The following TPX2 variants were observed in gnomAD, a reference collection of about 807,000 sequenced individuals.
TPX2 encodes targeting protein for Xklp2.
TPX2 carries 21 observed loss-of-function variants against 93.6 expected under a neutral mutation model. That is an observed-to-expected ratio of 0.22 (90% CI 0.16 to 0.32). TPX2 has a LOEUF of 0.32. Among genes scored for constraint, TPX2 ranks in the 10% least tolerant of loss-of-function variants. TPX2 has a pLI of 1.00. For missense variants in TPX2, 776 were observed against 871.1 expected (o/e 0.89, Z 1.37); for synonymous variants, 281 against 298.3 (o/e 0.94, Z 0.60).
Position 31,748,151 on chromosome 20 carries a change from T to C in TPX2, c.-71+5504T>C, listed in dbSNP as rs547515936. 6.6e-5 allele frequency among the ~76,000 whole-genome samples: 10 copies of C among 152,316 alleles called. 1 individual carries two copies. Among genetic ancestry groups the C allele is most frequent in the African/African-American group, 2.4e-4 (10 of 41,586 alleles). On this transcript the variant is annotated intron_variant, in intron 2 of 17. Transcript: ENST00000300403. ...GAGTTGGCCATTCTAGACCAAAATA[T>C]AGCTTAAAAGAAGCTTTTTTAAAGA...
chr20:31,763,686 T>A (rs1032238766), intron 4 of TPX2, among the ~76,000 whole-genome samples: 1 of 150,578 alleles, frequency 6.6e-6, no homozygotes, highest in Non-Finnish European at 1.5e-5. Context: ...ATTGGCCACT[T>A]TAATTTAATT....
chr20:31,797,117 A>G (rs2062143479), intron 15 of TPX2, among the ~76,000 whole-genome samples: 19 of 152,118 alleles, frequency 1.2e-4, no homozygotes, highest in Admixed American at 1.2e-3. Context: ...AGAAAAATAA[A>G]TGTGAACATA....
At chr20:31,784,196 A>T (rs993454483) in intron 12 of TPX2, among the ~76,000 whole-genome samples, 3 of 152,232 alleles carry the variant, frequency 2.0e-5, no homozygotes, top group Non-Finnish European at 4.4e-5. Flanking sequence ...TTTCTTCCAG[A>T]TAGAAAGTTC....
chr20:31,781,866 C>T lies in TPX2; in HGVS notation c.1055-383C>T, dbSNP rs540661221. ...GCTGAGGTGGGAAGATCACCTGAGT[C>T]CAGGGAGGTTGGATTTGTAGTGAGC... On this transcript the variant is annotated intron_variant, in intron 10 of 17. Coordinates refer to ENST00000300403, the MANE Select transcript of TPX2 (RefSeq NM_012112.5). 1.8e-4 allele frequency among the ~76,000 whole-genome samples: 27 copies of T among 151,940 alleles called. 1 individual carries two copies. In the South Asian group the frequency reaches 5.4e-3, roughly 30 times the overall value.
At position 31,750,213 on chromosome 20, in the gene TPX2, G is replaced by A. The variant is rs374495611; in HGVS notation, c.-70-7194G>A. Among the ~76,000 whole-genome samples, 17 of 150,652 alleles carry A rather than the reference G, an allele frequency of 1.1e-4. No homozygotes were observed. The East Asian group carries it at 3.4e-3, about 30-fold the overall frequency. On this transcript the variant is annotated intron_variant, in intron 2 of 17. Coordinates refer to ENST00000300403, the MANE Select transcript of TPX2 (RefSeq NM_012112.5). ...GCTCTTGTTGCCCCGGCTGGAGTGCGATGGTGCGATCTTGGCTCACTGCAA... is the reference window on the plus strand; with the variant it reads ...GCTCTTGTTGCCCCGGCTGGAGTGCAATGGTGCGATCTTGGCTCACTGCAA...
intron 13 of TPX2, among the ~76,000 whole-genome samples, chr20:31,793,105 GA>G (rs2062113052): frequency 6.6e-6 from 1 of 152,148 alleles, no homozygotes; most frequent in Non-Finnish European, 1.5e-5. Context: ...CTGTAGCATT[GA>G]AAATCAGCTG....
At chr20:31,743,882 TG>T (rs2061767707) in intron 2 of TPX2, among the ~76,000 whole-genome samples, 1 of 149,786 alleles carries the variant, frequency 6.7e-6, no homozygotes, top group South Asian at 2.1e-4. Context: ...ATGCCACACC[TG>T]GCTAATTTTG....
At chr20:31,792,702 G>A in intron 12 of TPX2, 33 bp from the exon 13 acceptor site, 1 of 1,566,478 alleles carries the variant, frequency 6.4e-7, no homozygotes, top group Non-Finnish European at 8.8e-7. Flanking sequence ...AGATCATTTT[G>A]TGATATCTAA....
chr20:31,777,348 C>T, intron 8 of TPX2, 139 bp from the exon 9 acceptor site: 3 of 957,928 alleles, frequency 3.1e-6, no homozygotes, highest in Non-Finnish European at 4.6e-6. Flanking sequence ...AGGACTACTT[C>T]AAGTTTTGGG....
At chr20:31,766,795 CTTTTT>C (rs11299452) in intron 5 of TPX2, 113 bp downstream of exon 5, 863 of 449,472 alleles carry the variant, frequency 1.9e-3, no homozygotes, top group South Asian at 2.7e-3. Context: ...CTTTATGTTA[CTTTTT>C]TTTTTTTTTT....
chr20:31,799,143 C>T (rs939477841), intron 17 of TPX2, among the ~76,000 whole-genome samples: 1 of 152,210 alleles, frequency 6.6e-6, no homozygotes, highest in African/African-American at 2.4e-5. Context: ...TAATCCTCTA[C>T]TAACATAATT....
At position 31,783,784 on chromosome 20, in the gene TPX2, C is replaced by A. The variant is rs778912781; in HGVS notation, c.1276C>A (p.Pro426Thr). Reference sequence around the variant, plus strand: ...CTTGCCCAAGAAACCACCTGTGAAACCACCCACCGAGCCTATTGGCTTTGA... The same window carrying A: ...CTTGCCCAAGAAACCACCTGTGAAAACACCCACCGAGCCTATTGGCTTTGA... ...PILPKKPPVK[P>T]PTEPIGFDLE... The change falls in exon 12 of 18, where the codon CCA becomes ACA. Residue 426 changes from proline (P) to threonine (T), a missense_variant. This residue lies in a region of TPX2 where 461 missense variants were observed against 551.2 expected (regional missense o/e 0.84). Transcript: ENST00000300403. 1 of 1,613,388 alleles carries A rather than the reference C, an allele frequency of 6.2e-7. No homozygotes were observed. Among genetic ancestry groups the A allele is most frequent in the Non-Finnish European group, 8.5e-7 (1 of 1,179,804 alleles).
chr20:31,741,748 G>A (rs1283052258), intron 1 of TPX2, among the ~76,000 whole-genome samples: 1 of 152,130 alleles, frequency 6.6e-6, no homozygotes, highest in East Asian at 1.9e-4. Flanking sequence ...CAAAGTGCTG[G>A]GATTACAGGT....
chr20:31,792,300 A>C (rs2062107026), intron 12 of TPX2, among the ~76,000 whole-genome samples: 1 of 152,088 alleles, frequency 6.6e-6, no homozygotes, highest in South Asian at 2.1e-4. Flanking sequence ...CAGAGGTTAC[A>C]GTGAGCCGAG....
intron 11 of TPX2, among the ~76,000 whole-genome samples, chr20:31,783,095 A>G (rs1252729606): frequency 6.6e-6 from 1 of 152,066 alleles, no homozygotes; most frequent in Non-Finnish European, 1.5e-5. Flanking sequence ...GATTCGTAGC[A>G]TTGGAGTTTA....
Position 31,786,230 on chromosome 20 carries a change from C to T in TPX2, c.1413+2309C>T, listed in dbSNP as rs116349600. On this transcript the variant is annotated intron_variant, in intron 12 of 17. Transcript: ENST00000300403. ...ACTAGTGAGCGGCAGAGCTAGCATACGAATCTTAGGTGATATGATTCCAGG... is the reference window on the plus strand; with the variant it reads ...ACTAGTGAGCGGCAGAGCTAGCATATGAATCTTAGGTGATATGATTCCAGG... 1.9e-3 allele frequency among the ~76,000 whole-genome samples: 290 copies of T among 151,596 alleles called. 1 individual carries two copies. The highest frequency in any genetic ancestry group is 6.8e-3 in the African/African-American group (282 of 41,296).
chr20:31,787,705 G>T (rs114135925), intron 12 of TPX2, among the ~76,000 whole-genome samples: 65 of 152,214 alleles, frequency 4.3e-4, no homozygotes, highest in African/African-American at 1.5e-3. Flanking sequence ...GTGAGAGGGG[G>T]TAGAGGAATA....
At chr20:31,743,726 GTT>G (rs557157321) in intron 2 of TPX2, among the ~76,000 whole-genome samples, 7 of 134,590 alleles carry the variant, frequency 5.2e-5, no homozygotes, top group African/African-American at 5.5e-5. Flanking sequence ...TACAGATGCA[GTT>G]TTTTTTTTTT....
In TPX2 at chr20:31,775,970, C is replaced by G; in HGVS notation, c.712C>G (p.Leu238Val). 6.7e-7 allele frequency: 1 copy of G among 1,493,184 alleles called. No homozygotes were observed. The highest frequency in any genetic ancestry group is 9.0e-7 in the Non-Finnish European group (1 of 1,107,834). 92.5% of individuals were successfully genotyped at this position (1,493,184 alleles called of 1,614,324 possible). Residue 238 changes from leucine to valine, a missense_variant, in exon 8 of 18, where the codon CTT becomes GTT. Transcript: ENST00000300403. ...MRKKNEEFKK[L>V]ALAGIGQPVK... ...GAAAAAGAATGAAGAATTCAAGAAA[C>G]TTGCTCTGGCTGGAATAGGTGAGCT...
Sources: allele counts gnomAD v4.1 joint callset (sites outside exome capture counted in the v4.1 genomes callset), GRCh38; gene constraint gnomAD v4.1.1; regional missense constraint gnomAD v4.1.1; transcripts MANE v1.5; gene names NCBI Gene and HGNC (gene_info 2026-07-23, HGNC 2026-07-21).